Variants in MYRIP observed in about 807,000 individuals in gnomAD.
MYRIP encodes rab effector MyRIP.
MYRIP carries 49 observed loss-of-function variants against 98.0 expected under a neutral mutation model. That is an observed-to-expected ratio of 0.50 (90% confidence interval 0.40 to 0.63). The LOEUF (loss-of-function observed/expected upper bound fraction) is 0.63. Among genes scored for constraint, MYRIP ranks in the 30% least tolerant of loss-of-function variants. The probability of loss-of-function intolerance (pLI) is 0.00; values close to 1 mark genes in which losing one functional copy is unlikely to be tolerated. For missense variants in MYRIP, 1,004 were observed against 1,058.2 expected (o/e 0.95, Z 0.71); for synonymous variants, 404 against 409.5 (o/e 0.99, Z 0.16).
intron 3 of MYRIP, among the ~76,000 whole-genome samples, chr3:40,130,720 G>A (rs1266680908): frequency 6.7e-6 from 1 of 149,128 alleles, no homozygotes. Context: ...ATATATATAT[G>A]TGTGTGTGTG....
intron 10 of MYRIP, among the ~76,000 whole-genome samples, chr3:40,197,455 C>T (rs1257794490): frequency 6.6e-6 from 1 of 152,166 alleles, no homozygotes. Context: ...AAACCCAACC[C>T]CCTGATGGAC....
chr3:40,027,829 TG>T (rs888290543), intron 2 of MYRIP, among the ~76,000 whole-genome samples: 12 of 151,802 alleles, frequency 7.9e-5, no homozygotes, highest in Admixed American at 7.9e-4. Flanking sequence ...GGTGGCAAGA[TG>T]GGCAGGGTCA....
At chr3:39,937,047 C>T (rs1944669404) in intron 2 of MYRIP, among the ~76,000 whole-genome samples, 1 of 152,140 alleles carries the variant, frequency 6.6e-6, no homozygotes, top group Non-Finnish European at 1.5e-5. Flanking sequence ...AGCAGGCGTC[C>T]ATGCCCAGAT....
At chr3:39,998,257 T>C (rs1225319436) in intron 2 of MYRIP, among the ~76,000 whole-genome samples, 1 of 152,202 alleles carries the variant, frequency 6.6e-6, no homozygotes, top group Non-Finnish European at 1.5e-5. Flanking sequence ...CGTTTGCAGA[T>C]GACATGATTG....
intron 2 of MYRIP, among the ~76,000 whole-genome samples, chr3:39,994,555 T>C (rs1575446676): frequency 6.6e-6 from 1 of 152,296 alleles, no homozygotes; most frequent in Admixed American, 6.5e-5. Context: ...TGGAACTGGG[T>C]GGAGCCCACC....
chr3:39,823,895 A>G (rs1941189927), intron 1 of MYRIP, among the ~76,000 whole-genome samples: 1 of 151,644 alleles, frequency 6.6e-6, no homozygotes, highest in South Asian at 2.1e-4. Flanking sequence ...TTTGTTTCCC[A>G]TGCTTTTGAA....
chr3:40,156,929 G>A (rs1366063486), intron 4 of MYRIP, among the ~76,000 whole-genome samples: 1 of 152,128 alleles, frequency 6.6e-6, no homozygotes, highest in African/African-American at 2.4e-5. Flanking sequence ...ATACAATCAT[G>A]TCATCTGCAA....
At chr3:39,895,901 CGTGT>C (rs1299267281) in intron 1 of MYRIP, among the ~76,000 whole-genome samples, 1 of 133,176 alleles carries the variant, frequency 7.5e-6, no homozygotes, top group Non-Finnish European at 1.6e-5. Flanking sequence ...GAGAAAAACT[CGTGT>C]GTGTGTGTGT....
chr3:40,245,306 A>G (rs1953155106), intron 13 of MYRIP, among the ~76,000 whole-genome samples: 1 of 152,172 alleles, frequency 6.6e-6, no homozygotes, highest in African/African-American at 2.4e-5. Context: ...TTTTCAAACT[A>G]GGGTCTACAG....
chr3:40,187,797 C>T (rs1575608187), intron 9 of MYRIP, among the ~76,000 whole-genome samples: 1 of 152,190 alleles, frequency 6.6e-6, no homozygotes, highest in Admixed American at 6.5e-5. Context: ...GCCAACCAGG[C>T]CCTCACACCA....
chr3:39,950,087 T>C (rs1192715369), intron 2 of MYRIP, among the ~76,000 whole-genome samples: 1 of 152,214 alleles, frequency 6.6e-6, no homozygotes, highest in Non-Finnish European at 1.5e-5. Flanking sequence ...ATGTTCTTAA[T>C]AGATCTCTGC....
chr3:39,860,661 G>A (rs549660511), intron 1 of MYRIP, among the ~76,000 whole-genome samples: 12 of 152,272 alleles, frequency 7.9e-5, no homozygotes, highest in Admixed American at 6.5e-4. Context: ...GACCATTGAA[G>A]AGCTCCAGCA....
chr3:40,216,012 G>T (rs975977847), intron 11 of MYRIP, among the ~76,000 whole-genome samples: 9 of 152,208 alleles, frequency 5.9e-5, no homozygotes, highest in Non-Finnish European at 1.2e-4. Flanking sequence ...TCCTAGGGAA[G>T]GGCCTGCCAG....
intron 1 of MYRIP, among the ~76,000 whole-genome samples, chr3:39,838,841 G>A (rs1341355746): frequency 6.6e-6 from 1 of 152,006 alleles, no homozygotes; most frequent in Non-Finnish European, 1.5e-5. Flanking sequence ...TCTGGTTCTG[G>A]GCTTTTTTCG....
At chr3:40,112,623 A>G (rs982377957) in intron 3 of MYRIP, among the ~76,000 whole-genome samples, 1 of 152,212 alleles carries the variant, frequency 6.6e-6, no homozygotes, top group Admixed American at 6.5e-5. Flanking sequence ...GGCAGTGTGG[A>G]AACTCAAAGA....
intron 2 of MYRIP, among the ~76,000 whole-genome samples, chr3:40,029,906 A>C (rs997388364): frequency 6.6e-6 from 1 of 152,050 alleles, no homozygotes; most frequent in African/African-American, 2.4e-5. Flanking sequence ...CAAAAAAATT[A>C]TTTAAAAAAT....
rs527531528 is a variant in MYRIP, at chr3:40,185,876, C to A, written c.1027+3503C>A. Among the ~76,000 whole-genome samples the A allele has an allele frequency of 2.0e-5, 3 of 152,024 alleles. No individual in the cohort carries two copies. In the South Asian group the frequency reaches 6.2e-4, roughly 32 times the overall value. ...GCTCATTGAGAGCTGCTCAATGAGCCCCGTCGCCCCTATAGCCTTTGGTGC... is the reference window on the plus strand; with the variant it reads ...GCTCATTGAGAGCTGCTCAATGAGCACCGTCGCCCCTATAGCCTTTGGTGC... On this transcript the variant is annotated intron_variant, in intron 9 of 16. Transcript: ENST00000302541.
chr3:39,874,897 A>C (rs1439717521), intron 1 of MYRIP, among the ~76,000 whole-genome samples: 2 of 152,124 alleles, frequency 1.3e-5, no homozygotes, highest in Non-Finnish European at 1.5e-5. Context: ...TATTGATTGG[A>C]ATAGTTTCAG....
chr3:40,173,947 A>G (rs988456685), intron 8 of MYRIP: 1 of 152,212 alleles, frequency 6.6e-6, no homozygotes, highest in Non-Finnish European at 1.5e-5. Flanking sequence ...ATAGAAGAAT[A>G]TTATTTATTT....
Sources: allele counts gnomAD v4.1 joint callset (sites outside exome capture counted in the v4.1 genomes callset), GRCh38; gene constraint gnomAD v4.1.1; transcripts MANE v1.5; gene names NCBI Gene and HGNC (gene_info 2026-07-23, HGNC 2026-07-21).